The following PEBP4 variants were observed in gnomAD, a reference collection of about 807,000 sequenced individuals.
PEBP4 encodes the protein phosphatidylethanolamine-binding protein 4.
A neutral mutation model predicts 23.9 loss-of-function variants in PEBP4; 22 were observed. That is an observed-to-expected ratio of 0.92 (90% CI 0.66 to 1.31). The LOEUF is 1.31. Ranked by LOEUF, PEBP4 falls within the 40% of genes most tolerant of loss-of-function variation. The probability of loss-of-function intolerance (pLI) is 0.00; values close to 1 mark genes in which losing one functional copy is unlikely to be tolerated. For missense variants in PEBP4, 324 were observed against 281.7 expected, an observed-to-expected ratio of 1.15 and a Z score of -1.07; for synonymous variants, 112 against 99.3, an observed-to-expected ratio of 1.13 and a Z score of -0.76.
intron 4 of PEBP4, among the ~76,000 whole-genome samples, chr8:22,803,479 A>G (rs1806431237): frequency 6.6e-6 from 1 of 152,008 alleles, no homozygotes; most frequent in African/African-American, 2.4e-5. Context: ...AGCTTGGCCA[A>G]CATGGTGAAG....
At chr8:22,889,604 G>A (rs76397477) in intron 3 of PEBP4, among the ~76,000 whole-genome samples, 6,709 of 152,284 alleles carry the variant, frequency 0.044, 302 homozygotes, top group African/African-American at 0.11. Flanking sequence ...TAAAAGCCTC[G>A]TTTTGGGCAA....
intron 4 of PEBP4, among the ~76,000 whole-genome samples, chr8:22,772,135 T>C (rs538233674): frequency 6.6e-6 from 1 of 152,366 alleles, no homozygotes; most frequent in South Asian, 2.1e-4. Context: ...TTTGTAATCA[T>C]TGTCTCACTT....
At chr8:22,915,807 C>T (rs755644061) in intron 3 of PEBP4, among the ~76,000 whole-genome samples, 4 of 152,290 alleles carry the variant, frequency 2.6e-5, no homozygotes, top group Admixed American at 6.5e-5. Context: ...TGTCCTTCCT[C>T]GGCTAATCAT....
chr8:22,746,046 G>T (rs1250819240), intron 4 of PEBP4, among the ~76,000 whole-genome samples: 1 of 152,196 alleles, frequency 6.6e-6, no homozygotes, highest in Non-Finnish European at 1.5e-5. Flanking sequence ...TTGAACCAAA[G>T]CATTGTCCCC....
intron 3 of PEBP4, among the ~76,000 whole-genome samples, chr8:22,902,117 G>A (rs191304502): frequency 2.6e-5 from 4 of 152,156 alleles, no homozygotes. Context: ...TTAGGAGTTT[G>A]AGACCAGCCT....
intron 4 of PEBP4, among the ~76,000 whole-genome samples, chr8:22,728,456 T>G (rs1370772971): frequency 6.6e-6 from 1 of 152,108 alleles, no homozygotes; most frequent in African/African-American, 2.4e-5. Context: ...CACGAGCCCC[T>G]TGTACTTTGT....
chr8:22,757,878 G>A lies in PEBP4; in HGVS notation c.358-30658C>T, dbSNP rs965668317. On this transcript the variant is annotated intron_variant, in intron 4 of 6. Transcript: ENST00000256404. ...CTCCTACCCGGCCACCTGCAGCCCT[G>A]CCTGGGCTGCTCTTGGTCTCTCTGT... is the stretch of plus-strand genomic sequence containing the variant. The A allele has an allele frequency of 3.3e-5, 5 of 152,232 alleles. No homozygotes were observed. In the South Asian group the frequency reaches 6.2e-4, roughly 19 times the overall value. 9.4% of individuals were successfully genotyped at this position (152,232 alleles called of 1,614,324 possible).
intron 4 of PEBP4, among the ~76,000 whole-genome samples, chr8:22,800,520 C>G (rs1806360983): frequency 1.3e-5 from 2 of 152,098 alleles, no homozygotes; most frequent in Non-Finnish European, 2.9e-5. Flanking sequence ...TGACTCTTTA[C>G]TCTTCATGGC....
chr8:22,822,362 T>G (rs987246945), intron 3 of PEBP4, among the ~76,000 whole-genome samples: 28 of 151,632 alleles, frequency 1.8e-4, no homozygotes, highest in African/African-American at 6.8e-4. Context: ...AAAGTGTGTG[T>G]GTGTGTGTGT....
chr8:22,723,930 G>A (rs951814594), intron 6 of PEBP4, among the ~76,000 whole-genome samples: 8 of 152,200 alleles, frequency 5.3e-5, no homozygotes, highest in African/African-American at 1.9e-4. Flanking sequence ...CAGCTTCCTA[G>A]TGGGTGGATG....
chr8:22,825,103 G>T (rs780375648), intron 3 of PEBP4, among the ~76,000 whole-genome samples: 13 of 152,170 alleles, frequency 8.5e-5, no homozygotes, highest in Non-Finnish European at 1.3e-4. Flanking sequence ...CAGGGAGCTG[G>T]GTCCCAGACC....
At chr8:22,761,413 G>A (rs540368071) in intron 4 of PEBP4, among the ~76,000 whole-genome samples, 20 of 152,162 alleles carry the variant, frequency 1.3e-4, no homozygotes, top group Admixed American at 3.3e-4. Flanking sequence ...CGGGGAAGGC[G>A]GAGAGAGCGA....
In PEBP4 at chr8:22,815,603, C is replaced by T. The variant is rs191224300; in HGVS notation, c.357+2034G>A. On this transcript the variant is annotated intron_variant, in intron 4 of 6. Transcript: ENST00000256404. ...TCGCTGCCGCTTCCTGCTGAACACT[C>T]ACGAGGGAAGCAGTGCAAATGTGAC... Among the ~76,000 whole-genome samples, 716 of 152,308 alleles carry T rather than the reference C, an allele frequency of 4.7e-3. 4 individuals carry two copies. The highest frequency in any genetic ancestry group is 0.016 in the African/African-American group (662 of 41,560).
intron 3 of PEBP4, among the ~76,000 whole-genome samples, chr8:22,859,603 G>A (rs970873711): frequency 3.0e-4 from 46 of 152,122 alleles, no homozygotes; most frequent in African/African-American, 1.1e-3. Flanking sequence ...CTGTCTAGTA[G>A]CCAAGATTGA....
chr8:22,805,927 C>G (rs913424392), intron 4 of PEBP4, among the ~76,000 whole-genome samples: 1 of 152,054 alleles, frequency 6.6e-6, no homozygotes, highest in Non-Finnish European at 1.5e-5. Context: ...GATAGATGCA[C>G]AGAAAGGAGA....
intron 3 of PEBP4, among the ~76,000 whole-genome samples, chr8:22,877,580 C>G (rs1026551906): frequency 1.3e-5 from 2 of 152,136 alleles, no homozygotes; most frequent in African/African-American, 4.8e-5. Flanking sequence ...AACACACGGG[C>G]GGGCTCACTG....
intron 3 of PEBP4, among the ~76,000 whole-genome samples, chr8:22,893,678 A>G (rs1808538987): frequency 6.6e-6 from 1 of 152,208 alleles, no homozygotes; most frequent in Non-Finnish European, 1.5e-5. Context: ...GATGAGATTT[A>G]ACAGAAGGTT....
At chr8:22,900,675 T>G (rs557421039) in intron 3 of PEBP4, among the ~76,000 whole-genome samples, 1 of 150,052 alleles carries the variant, frequency 6.7e-6, no homozygotes, top group Non-Finnish European at 1.5e-5. Context: ...AAAAAAGATA[T>G]CTTATTTCCT....
intron 5 of PEBP4, among the ~76,000 whole-genome samples, chr8:22,725,664 C>A (rs533062940): frequency 6.6e-6 from 1 of 152,154 alleles, no homozygotes; most frequent in Non-Finnish European, 1.5e-5. Flanking sequence ...AGGTGGGCCT[C>A]TTTCCCAGAG....
Sources: gnomAD v4.1 joint callset for allele counts (sites outside exome capture counted in the v4.1 genomes callset) on GRCh38, gnomAD v4.1.1 for gene constraint, MANE v1.5 for transcripts, NCBI Gene and HGNC (gene_info 2026-07-23, HGNC 2026-07-21) for gene names.